Variants in GPR158 observed in about 807,000 individuals in gnomAD.
The protein encoded by GPR158 is metabotropic glycine receptor.
Under a neutral mutation model 78.2 loss-of-function variants are expected in GPR158, and 30 were observed. That is an observed-to-expected ratio of 0.38 (90% CI 0.29 to 0.52). The LOEUF (loss-of-function observed/expected upper bound fraction) is 0.52, where lower values mean the gene tolerates loss of function less well. Among genes scored for constraint, GPR158 ranks in the 20% least tolerant of loss-of-function variants. The probability of loss-of-function intolerance (pLI) is 0.83; values close to 1 mark genes in which losing one functional copy is unlikely to be tolerated. For missense variants in GPR158, 1,463 were observed against 1,523.5 expected (o/e 0.96, Z 0.66); for synonymous variants, 581 against 591.1 (o/e 0.98, Z 0.25).
chr10:25,544,659 CTG>C (rs1276194915), intron 5 of GPR158, among the ~76,000 whole-genome samples: 1 of 151,908 alleles, frequency 6.6e-6, no homozygotes, highest in Non-Finnish European at 1.5e-5. Context: ...AAATTTGTCA[CTG>C]AGATTTCAAA....
intron 2 of GPR158, among the ~76,000 whole-genome samples, chr10:25,233,815 AT>A (rs1284327924): frequency 6.6e-6 from 1 of 152,248 alleles, no homozygotes; most frequent in African/African-American, 2.4e-5. Context: ...AACAGATTAA[AT>A]GCAGAAAGAG....
At chr10:25,232,861 G>A (rs1219214288) in intron 2 of GPR158, among the ~76,000 whole-genome samples, 1 of 152,160 alleles carries the variant, frequency 6.6e-6, no homozygotes, top group Admixed American at 6.5e-5. Context: ...AAATGCACAA[G>A]ATTTTTGTAT....
chr10:25,532,940 T>C (rs988848717), intron 5 of GPR158, among the ~76,000 whole-genome samples: 4 of 152,004 alleles, frequency 2.6e-5, no homozygotes, highest in African/African-American at 7.2e-5. Context: ...TAACAATTTA[T>C]CTTAAAGGTG....
chr10:25,250,278 G>A (rs1481385226), intron 2 of GPR158, among the ~76,000 whole-genome samples: 8 of 115,688 alleles, frequency 6.9e-5, no homozygotes, highest in Admixed American at 1.8e-4. Flanking sequence ...TGGATTCATT[G>A]ATTTTTTGAA....
rs186809626 is a variant in GPR158, at chr10:25,431,728, C to A, written c.1335+19255C>A. ...TTTGTAGGAACATGGATGAAATTGG[C>A]AATCATCATTCTCAGTAAACTATCG... On this transcript the variant is annotated intron_variant, in intron 4 of 10. Coordinates refer to ENST00000376351, the MANE Select transcript of GPR158 (RefSeq NM_020752.3). Among the ~76,000 whole-genome samples the A allele has an allele frequency of 7.9e-3, 1,201 of 151,956 alleles. 2 individuals are homozygous for A. The highest frequency in any genetic ancestry group is 0.01 in the Middle Eastern group (3 of 290).
intron 2 of GPR158, among the ~76,000 whole-genome samples, chr10:25,354,794 T>C (rs75398323): frequency 0.02 from 3,011 of 152,224 alleles, 109 homozygotes; most frequent in African/African-American, 0.068. Context: ...AAAGACTTTA[T>C]CTGAAGGATA....
chr10:25,342,117 A>T (rs1299673524), intron 2 of GPR158, among the ~76,000 whole-genome samples: 1 of 151,998 alleles, frequency 6.6e-6, no homozygotes, highest in Non-Finnish European at 1.5e-5. Context: ...TTCCTTGGTT[A>T]TTTAACCCTC....
chr10:25,528,464 G>A (rs1836379891), intron 5 of GPR158, among the ~76,000 whole-genome samples: 1 of 152,036 alleles, frequency 6.6e-6, no homozygotes, highest in Non-Finnish European at 1.5e-5. Context: ...AAGTGAATTT[G>A]TCAGGGTTCT....
At chr10:25,464,799 A>T (rs1329612844) in intron 4 of GPR158, among the ~76,000 whole-genome samples, 1 of 152,162 alleles carries the variant, frequency 6.6e-6, no homozygotes, top group Non-Finnish European at 1.5e-5. Flanking sequence ...TCTTTTTTGG[A>T]ATGTTTAAAA....
At chr10:25,313,624 G>A (rs74123820) in intron 2 of GPR158, among the ~76,000 whole-genome samples, 10,878 of 151,882 alleles carry the variant, frequency 0.072, 692 homozygotes, top group African/African-American at 0.16. Context: ...TAGATGTTTT[G>A]CTATATTTTA....
intron 2 of GPR158, among the ~76,000 whole-genome samples, chr10:25,260,739 A>G (rs890341181): frequency 6.6e-6 from 1 of 152,068 alleles, no homozygotes; most frequent in African/African-American, 2.4e-5. Flanking sequence ...TATGTAGCTG[A>G]TTAACACTCA....
chr10:25,185,846 C>G (rs1414870780), intron 1 of GPR158, among the ~76,000 whole-genome samples: 1 of 151,934 alleles, frequency 6.6e-6, no homozygotes, highest in Non-Finnish European at 1.5e-5. Context: ...TGTTAACTTT[C>G]TGTCTCGTCA....
At chr10:25,291,822 A>G (rs1588779051) in intron 2 of GPR158, among the ~76,000 whole-genome samples, 1 of 151,320 alleles carries the variant, frequency 6.6e-6, no homozygotes, top group Non-Finnish European at 1.5e-5. Context: ...CAAATGAGTT[A>G]TAAGGCTATA....
intron 4 of GPR158, among the ~76,000 whole-genome samples, chr10:25,448,495 T>C (rs1470273973): frequency 6.6e-6 from 1 of 152,204 alleles, no homozygotes; most frequent in African/African-American, 2.4e-5. Flanking sequence ...GAATGTTATG[T>C]AATTTGTGCC....
Position 25,600,588 on chromosome 10 carries a change from T to C in GPR158, c.*1314T>C, listed in dbSNP as rs1837483406. On this transcript the variant is annotated 3_prime_UTR_variant, in exon 11 of 11. Transcript: ENST00000376351. ...AAATACCTTAAAGTATTTATTCTCA[T>C]AAACTCTTATTCATTGCTTCAGCTA... 6.6e-6 allele frequency: 1 copy of C among 152,578 alleles called. No individual in the cohort carries two copies. 9.5% of individuals were successfully genotyped at this position (152,578 alleles called of 1,614,324 possible).
intron 4 of GPR158, among the ~76,000 whole-genome samples, chr10:25,431,429 C>A (rs374302478): frequency 6.4e-4 from 93 of 145,488 alleles, no homozygotes; most frequent in Non-Finnish European, 1.1e-3. Flanking sequence ...AACTAGTTCA[C>A]CCATTGTGGA....
intron 2 of GPR158, among the ~76,000 whole-genome samples, chr10:25,223,800 T>C (rs139958590): frequency 6.6e-6 from 1 of 152,306 alleles, no homozygotes; most frequent in East Asian, 1.9e-4. Context: ...ATAAAGACAC[T>C]CATCTTGGTT....
At chr10:25,396,672 A>C (rs2130529885) in intron 3 of GPR158, among the ~76,000 whole-genome samples, 1 of 152,358 alleles carries the variant, frequency 6.6e-6, no homozygotes, top group East Asian at 1.9e-4. Flanking sequence ...ATCTTCAAAA[A>C]AATACAAGTC....
At chr10:25,417,565 C>T (rs1184702439) in intron 4 of GPR158, among the ~76,000 whole-genome samples, 1 of 152,058 alleles carries the variant, frequency 6.6e-6, no homozygotes. Flanking sequence ...TTTATAAATA[C>T]TGCTGGTCTT....
Sources: gnomAD v4.1 joint callset for allele counts (sites outside exome capture counted in the v4.1 genomes callset) on GRCh38, gnomAD v4.1.1 for gene constraint, MANE v1.5 for transcripts, NCBI Gene and HGNC (gene_info 2026-07-23, HGNC 2026-07-21) for gene names.